PLEKHA7: variants seen among roughly 807,000 people sequenced by gnomAD.
PLEKHA7 encodes the protein pleckstrin homology domain containing A7.
PLEKHA7 carries 104 observed loss-of-function variants against 170.0 expected under a neutral mutation model. That is an observed-to-expected ratio of 0.61 (90% CI 0.52 to 0.72). The LOEUF is 0.72. Ranked by LOEUF, PLEKHA7 falls within the 30% of genes least tolerant of loss-of-function variation. The pLI is 0.00. For missense variants in PLEKHA7, 1,615 were observed against 1,671.7 expected (o/e 0.97, Z 0.59); for synonymous variants, 648 against 660.8 (o/e 0.98, Z 0.30).
intron 3 of PLEKHA7, among the ~76,000 whole-genome samples, chr11:16,892,444 G>GTTTTGTTTTGTT (rs1856708430): frequency 1.4e-4 from 20 of 144,346 alleles, no homozygotes; most frequent in Non-Finnish European, 2.8e-4. Flanking sequence ...GTTTTGTTTT[G>GTTTTGTTTTGTT]TTTTGTTTTG....
At position 16,887,405 on chromosome 11, in the gene PLEKHA7, C is replaced by CCTCTCCCTCTCCCCACGGTCTG. The variant is rs1565072266; in HGVS notation, c.222-16224_222-16223insCAGACCGTGGGGAGAGGGAGAG. 3.2e-4 allele frequency among the ~76,000 whole-genome samples: 32 copies of CCTCTCCCTCTCCCCACGGTCTG among 101,574 alleles called. 1 individual carries two copies. The highest frequency in any genetic ancestry group is 1.0e-3 in the African/African-American group (32 of 31,842). 66.6% of individuals were successfully genotyped at this position (101,574 alleles called of 152,430 possible). A position where few individuals can be genotyped will look rare whatever the true frequency, so the allele number is the denominator to read the frequency against. Reference sequence around the variant, plus strand: ...CTGCCTCTCCCTCTCCCCACGGTCTCCCTCTCCCTCTCTTTCCACGGTCTC... The same window carrying CCTCTCCCTCTCCCCACGGTCTG: ...CTGCCTCTCCCTCTCCCCACGGTCTCCTCTCCCTCTCCCCACGGTCTGCCTCTCCCTCTCTTTCCACGGTCTC... On this transcript the variant is annotated intron_variant, in intron 3 of 26. Transcript: ENST00000531066.
chr11:16,788,139 C>T (rs138413226), intron 23 of PLEKHA7: 132 of 152,630 alleles, frequency 8.6e-4, no homozygotes, highest in Non-Finnish European at 1.1e-3. Flanking sequence ...AGACCTCTGC[C>T]AATGACTGTG....
intron 3 of PLEKHA7, among the ~76,000 whole-genome samples, chr11:16,931,342 C>G (rs377485569): frequency 6.6e-5 from 10 of 152,216 alleles, no homozygotes; most frequent in African/African-American, 2.4e-4. Context: ...CTGAGAAATT[C>G]TAAGACAAGA....
intron 17 of PLEKHA7, among the ~76,000 whole-genome samples, chr11:16,795,850 C>CCT (rs1491294777): frequency 3.8e-5 from 4 of 105,696 alleles, no homozygotes; most frequent in Non-Finnish European, 8.2e-5. Context: ...ACAGTTTTTT[C>CCT]CTTTTTTTTT....
In PLEKHA7 at chr11:16,817,249, G is replaced by T. The variant is rs779778999; in HGVS notation, c.1417C>A (p.Leu473Ile). 1 of 1,613,868 alleles carries T rather than the reference G, an allele frequency of 6.2e-7. No individual in the cohort carries two copies. The highest frequency in any genetic ancestry group is 1.7e-5 in the Admixed American group (1 of 60,026). ...SLSFPENYQT[L>I]PKSTRHPSGG... is the part of the protein sequence containing the mutation. The stretch of plus-strand genomic sequence containing the variant: ...GAGGGGTGTCGGGTGCTCTTGGGAA[G>T]AGTCTGGTAGTTTTCTGGGAAGGAC... The change falls in exon 11 of 27, where the codon CTT becomes ATT. Residue 473 changes from leucine (L) to isoleucine (I), a missense_variant. Leu to Ile is a conservative substitution (Grantham distance 5, BLOSUM62 2). Coordinates refer to ENST00000531066, the MANE Select transcript of PLEKHA7 (RefSeq NM_001329630.2). The surrounding 1 kb of genome is among the most constrained non-coding windows in gnomAD (Gnocchi z 4.4).
intron 8 of PLEKHA7, among the ~76,000 whole-genome samples, chr11:16,845,388 G>A (rs1414560825): frequency 6.6e-6 from 1 of 152,168 alleles, no homozygotes; most frequent in Admixed American, 6.5e-5. Context: ...TTTGTTTTGA[G>A]ACAAGGTCTT....
chr11:16,972,031 C>T (rs921013544), intron 3 of PLEKHA7, among the ~76,000 whole-genome samples: 1 of 152,074 alleles, frequency 6.6e-6, no homozygotes, highest in South Asian at 2.1e-4. Flanking sequence ...GTCATGTTGG[C>T]AGGCTGGTCT....
At position 16,854,902 on chromosome 11, in the gene PLEKHA7, C is replaced by T; in HGVS notation, c.509G>A (p.Trp170Ter). ...CGGCTTCCTCACCTGCTTGTGCAGC[C>T]AGCCCCTCACCACCACGGGAACATT... ...NPNVPVVVRG[W>*]LHKQDSSGMR... Residue 170 changes from tryptophan to a stop codon, truncating the protein, a stop_gained, in exon 6 of 27, where the codon TGG becomes TAG. Transcript: ENST00000531066. LOFTEE classifies it high-confidence loss of function. 6.2e-7 allele frequency: 1 copy of T among 1,613,950 alleles called. No homozygotes were observed. The highest frequency in any genetic ancestry group is 8.5e-7 in the Non-Finnish European group (1 of 1,179,888).
chr11:16,828,253 T>C (rs1352908528), intron 9 of PLEKHA7, among the ~76,000 whole-genome samples: 1 of 152,190 alleles, frequency 6.6e-6, no homozygotes, highest in African/African-American at 2.4e-5. Flanking sequence ...TAGGTTACCC[T>C]CATGCTGTTC....
At chr11:16,780,646 C>T (rs575320047) in intron 26 of PLEKHA7, among the ~76,000 whole-genome samples, 53 of 152,310 alleles carry the variant, frequency 3.5e-4, no homozygotes, top group East Asian at 1.4e-3. Flanking sequence ...ATCAGGGTGC[C>T]CTACTGAGGA....
chr11:16,983,815 A>C (rs1863576582), intron 3 of PLEKHA7, among the ~76,000 whole-genome samples: 1 of 152,194 alleles, frequency 6.6e-6, no homozygotes, highest in Non-Finnish European at 1.5e-5. Context: ...AGGGCAGAAG[A>C]TAGGTGGAAT....
chr11:16,799,902 C>T (rs1848473933), intron 17 of PLEKHA7, among the ~76,000 whole-genome samples: 1 of 152,190 alleles, frequency 6.6e-6, no homozygotes, highest in Admixed American at 6.5e-5. Flanking sequence ...GGAACCATCT[C>T]TGCATGAATA....
chr11:16,949,360 T>C (rs1209537660), intron 3 of PLEKHA7, among the ~76,000 whole-genome samples: 1 of 152,212 alleles, frequency 6.6e-6, no homozygotes, highest in Non-Finnish European at 1.5e-5. Context: ...TTTATAATGT[T>C]GGTTTATTGT....
chr11:16,990,231 G>A (rs912166926), intron 3 of PLEKHA7, among the ~76,000 whole-genome samples: 7 of 132,780 alleles, frequency 5.3e-5, no homozygotes, highest in African/African-American at 1.7e-4. Flanking sequence ...CTGAGATCAC[G>A]CCACTGCATT....
At chr11:16,876,530 G>A (rs1054785421) in intron 3 of PLEKHA7, among the ~76,000 whole-genome samples, 10 of 152,336 alleles carry the variant, frequency 6.6e-5, no homozygotes, top group South Asian at 2.1e-4. Context: ...GATGATTCCC[G>A]TGAAAGCAGG....
rs61745332 is a variant in PLEKHA7, at chr11:16,783,720, G to A, written c.3630C>T (p.Arg1210=). The change falls in exon 25 of 27, where the codon CGC becomes CGT. Residue 1210 remains arginine, a synonymous_variant. Transcript: ENST00000531066. The part of the protein sequence containing the change: ...QARYRKAEKI[R]NILARSSMCN... ...CTGACCTTGACCGGGCGAGGATGTT[G>A]CGGATCTTCTCGGCTTTGCGGTACC... 5.7e-4 allele frequency: 843 copies of A among 1,478,732 alleles called. 2 individuals are homozygous for A. Among genetic ancestry groups the A allele is most frequent in the Non-Finnish European group, 6.7e-4 (751 of 1,119,052 alleles). The allele number at this position is 1,478,732 out of a possible 1,614,324, so 91.6% of individuals were successfully genotyped here. A position where few individuals can be genotyped will look rare whatever the true frequency, so the allele number is the denominator to read the frequency against.
intron 12 of PLEKHA7, among the ~76,000 whole-genome samples, chr11:16,814,622 C>T (rs1849612946): frequency 6.6e-6 from 1 of 152,242 alleles, no homozygotes; most frequent in South Asian, 2.1e-4. Flanking sequence ...TGGCTGCAGC[C>T]TGCATGCTTC....
intron 3 of PLEKHA7, among the ~76,000 whole-genome samples, chr11:16,952,103 T>G (rs7927499): frequency 0.48 from 72,727 of 151,594 alleles, 18,218 homozygotes; most frequent in East Asian, 0.74. Flanking sequence ...TCAGTTCCCC[T>G]CTTCCTCCTC....
In PLEKHA7 at chr11:16,777,975, A is replaced by C. The variant is rs1848777672; in HGVS notation, c.*1023T>G. The C allele has an allele frequency of 6.6e-6, 1 of 152,228 alleles. No individual in the cohort carries two copies. The highest frequency in any genetic ancestry group is 6.5e-5 in the Admixed American group (1 of 15,286). 9.4% of individuals were successfully genotyped at this position (152,228 alleles called of 1,614,324 possible). A position where few individuals can be genotyped will look rare whatever the true frequency, so the allele number is the denominator to read the frequency against. ...TTTCTGTATTTCAATGTGTACTGTT[A>C]AAAATGAAAGCAGGCTGGGCGTGGT... On this transcript the variant is annotated 3_prime_UTR_variant, in exon 27 of 27. Coordinates refer to ENST00000531066, the MANE Select transcript of PLEKHA7 (RefSeq NM_001329630.2).
Sources: gnomAD v4.1 joint callset for allele counts (sites outside exome capture counted in the v4.1 genomes callset) on GRCh38, gnomAD v4.1.1 for gene constraint, Gnocchi (gnomAD v3.1) non-coding constraint, MANE v1.5 for transcripts, NCBI Gene and HGNC (gene_info 2026-07-23, HGNC 2026-07-21) for gene names.